The following PLPP3 variants were observed in gnomAD, a reference collection of about 807,000 sequenced individuals.
PLPP3 encodes the protein PAP2 beta.
PLPP3 carries 6 observed loss-of-function variants against 29.6 expected under a neutral mutation model. That is an observed-to-expected ratio of 0.20 (90% confidence interval 0.11 to 0.40). PLPP3 has a LOEUF of 0.40. Among genes scored for constraint, PLPP3 ranks in the 10% least tolerant of loss-of-function variants. PLPP3 has a pLI of 1.00. For synonymous variants in PLPP3, 152 were observed against 159.7 expected (o/e 0.95, Z 0.36); for missense variants, 308 against 407.7 (o/e 0.76, Z 2.11).
intron 1 of PLPP3, chr1:56,538,915 A>G (rs1213109067): frequency 6.6e-6 from 1 of 151,526 alleles, no homozygotes; most frequent in African/African-American, 2.4e-5. Flanking sequence ...GGCATAGTAG[A>G]TGTTAAAAAA....
intron 1 of PLPP3, among the ~76,000 whole-genome samples, chr1:56,558,587 T>C (rs532490784): frequency 2.0e-5 from 3 of 152,366 alleles, no homozygotes; most frequent in East Asian, 3.9e-4. Context: ...TCAGGGTATA[T>C]TCATGTCAAA....
intron 2 of PLPP3, among the ~76,000 whole-genome samples, chr1:56,531,879 T>C (rs74643838): frequency 1.4e-4 from 21 of 152,314 alleles, no homozygotes; most frequent in Non-Finnish European, 2.6e-4. Context: ...CATGAGTTTC[T>C]GGTCCATTAA....
At chr1:56,553,748 C>T (rs1646055626) in intron 1 of PLPP3, among the ~76,000 whole-genome samples, 1 of 152,178 alleles carries the variant, frequency 6.6e-6, no homozygotes, top group South Asian at 2.1e-4. Flanking sequence ...CAATGGCAAA[C>T]AGTAGCATGT....
chr1:56,574,978 G>A (rs1297008935), intron 1 of PLPP3, among the ~76,000 whole-genome samples: 2 of 152,094 alleles, frequency 1.3e-5, no homozygotes, highest in East Asian at 3.9e-4. Flanking sequence ...TTTTTCCAAA[G>A]CTGTACAGTG....
chr1:56,564,947 C>G (rs1222772090), intron 1 of PLPP3, among the ~76,000 whole-genome samples: 1 of 149,898 alleles, frequency 6.7e-6, no homozygotes, highest in Non-Finnish European at 1.5e-5. Flanking sequence ...TCTCTCTGAT[C>G]ATATGTGTGT....
intron 4 of PLPP3, among the ~76,000 whole-genome samples, chr1:56,522,585 T>C (rs1047061890): frequency 9.2e-5 from 14 of 152,252 alleles, no homozygotes; most frequent in South Asian, 2.1e-4. Flanking sequence ...TTGTCATAAG[T>C]TGGGGCTCAT....
At chr1:56,569,969 C>A (rs1166416919) in intron 1 of PLPP3, among the ~76,000 whole-genome samples, 1 of 152,176 alleles carries the variant, frequency 6.6e-6, no homozygotes, top group Non-Finnish European at 1.5e-5. Flanking sequence ...CTTCACTGTG[C>A]TGCTAGAGTA....
rs376050545 is a variant in PLPP3 at position 56,524,265 on chromosome 1, G to A, written c.575+12C>T. 2.5e-6 allele frequency: 4 copies of A among 1,612,494 alleles called. No individual in the cohort carries two copies. In the East Asian group the frequency reaches 6.7e-5, roughly 27 times the overall value. ...GGGTCCAGGCTCTGGCCATGCGGAGGTGGTGTCTCACCTGGCTTCCTGGAC... is the reference window on the plus strand; with the variant it reads ...GGGTCCAGGCTCTGGCCATGCGGAGATGGTGTCTCACCTGGCTTCCTGGAC... On this transcript the variant is annotated intron_variant, in intron 3 of 5. Transcript: ENST00000371250. The surrounding 1 kb of genome is among the most constrained non-coding windows in gnomAD (Gnocchi z 4.3).
chr1:56,497,365 G>C lies in PLPP3; in HGVS notation c.811-689C>G, dbSNP rs1380332363. 2.6e-5 allele frequency among the ~76,000 whole-genome samples: 4 copies of C among 152,210 alleles called. 1 individual carries two copies. Among genetic ancestry groups the C allele is most frequent in the Admixed American group, 2.6e-4 (4 of 15,274 alleles). On this transcript the variant is annotated intron_variant, in intron 5 of 5. Transcript: ENST00000371250. ...CATTTATTGAGTGCCACTTGCAAAG[G>C]TGTGAGGATGGCACAGGCATAGTTC... is the stretch of plus-strand genomic sequence containing the variant.
At chr1:56,538,380 G>A in intron 1 of PLPP3, 1 of 307,630 alleles carries the variant, frequency 3.3e-6, no homozygotes, top group Non-Finnish European at 6.5e-6. Context: ...TACAAATCTT[G>A]GAACTAGGGA....
At chr1:56,544,126 T>C (rs1645989000) in intron 1 of PLPP3, among the ~76,000 whole-genome samples, 1 of 152,222 alleles carries the variant, frequency 6.6e-6, no homozygotes, top group African/African-American at 2.4e-5. Context: ...AAAAGAACTT[T>C]GGATGTCCTT....
chr1:56,509,057 T>C (rs1645723034), intron 5 of PLPP3, among the ~76,000 whole-genome samples: 1 of 152,188 alleles, frequency 6.6e-6, no homozygotes, highest in South Asian at 2.1e-4. Flanking sequence ...GAAATGAATC[T>C]CTCAGTGCTG....
chr1:56,546,698 G>A (rs1037874553), intron 1 of PLPP3, among the ~76,000 whole-genome samples: 7 of 152,212 alleles, frequency 4.6e-5, no homozygotes, highest in African/African-American at 1.7e-4. Flanking sequence ...GAACAGGGAT[G>A]TGAAACAAAG....
intron 1 of PLPP3, among the ~76,000 whole-genome samples, chr1:56,548,312 C>T (rs777226537): frequency 6.6e-6 from 1 of 152,204 alleles, no homozygotes; most frequent in Non-Finnish European, 1.5e-5. Context: ...CAATACAAAC[C>T]TTGAAAGCTG....
intron 1 of PLPP3, among the ~76,000 whole-genome samples, chr1:56,557,492 G>C (rs1031677525): frequency 6.6e-6 from 1 of 152,144 alleles, no homozygotes; most frequent in East Asian, 1.9e-4. Flanking sequence ...TGATAGAATC[G>C]TATCTTTTAA....
chr1:56,549,683 T>C (rs1483220402), intron 1 of PLPP3, among the ~76,000 whole-genome samples: 1 of 152,172 alleles, frequency 6.6e-6, no homozygotes, highest in Non-Finnish European at 1.5e-5. Flanking sequence ...CACTCAACTT[T>C]CTTTTAGGTT....
intron 4 of PLPP3, chr1:56,513,366 G>A (rs1296484826): frequency 6.5e-6 from 1 of 152,688 alleles, no homozygotes; most frequent in Non-Finnish European, 1.5e-5. Flanking sequence ...GTGGACAAGA[G>A]GAACTTCCGA....
At chr1:56,510,457 CA>C (rs1429786853) in intron 5 of PLPP3, among the ~76,000 whole-genome samples, 3 of 152,250 alleles carry the variant, frequency 2.0e-5, no homozygotes, top group African/African-American at 7.2e-5. Context: ...GCAGGCAGTT[CA>C]CACACTGCTT....
At chr1:56,565,995 T>C (rs190336300) in intron 1 of PLPP3, among the ~76,000 whole-genome samples, 1 of 152,378 alleles carries the variant, frequency 6.6e-6, no homozygotes. Flanking sequence ...CAGAGTGAAC[T>C]GACAGCAGTC....
Sources: gnomAD v4.1 joint callset for allele counts (sites outside exome capture counted in the v4.1 genomes callset) on GRCh38, gnomAD v4.1.1 for gene constraint, Gnocchi (gnomAD v3.1) non-coding constraint, MANE v1.5 for transcripts, NCBI Gene and HGNC (gene_info 2026-07-23, HGNC 2026-07-21) for gene names.